TRAPPC9: variants seen among roughly 807,000 people sequenced by gnomAD.
The protein encoded by TRAPPC9 is IKK2 binding protein.
A neutral mutation model predicts 124.0 loss-of-function variants in TRAPPC9; 83 were observed. The observed-to-expected ratio is 0.67, with a 90% CI of 0.56 to 0.80. The LOEUF is 0.80. TRAPPC9 is among the 30% of genes least tolerant of loss of function. The probability of loss-of-function intolerance (pLI) is 0.00; values close to 1 mark genes in which losing one functional copy is unlikely to be tolerated. For missense variants in TRAPPC9, 1,302 were observed against 1,508.3 expected, an observed-to-expected ratio of 0.86 and a Z score of 2.27; for synonymous variants, 638 against 617.5, an observed-to-expected ratio of 1.03 and a Z score of -0.49.
Position 140,023,944 on chromosome 8 carries a change from C to G in TRAPPC9, c.2692G>C (p.Ala898Pro). 1 of 1,613,984 alleles carries G rather than the reference C, an allele frequency of 6.2e-7. No individual in the cohort carries two copies. Among genetic ancestry groups the G allele is most frequent in the East Asian group, 2.2e-5 (1 of 44,866 alleles). The change falls in exon 18 of 23, where the codon GCA (alanine) becomes CCA (proline). Residue 898 changes from alanine to proline, a missense_variant. This residue lies in a region of TRAPPC9 where 640 missense variants were observed against 679.3 expected (regional missense o/e 0.94). Coordinates refer to ENST00000438773, the MANE Select transcript of TRAPPC9 (RefSeq NM_001160372.4). The stretch of plus-strand genomic sequence containing the variant: ...CGGCAGGAAGACATTTACCTGGTTG[C>G]TGGGAGGGTGCTGACTCGGGTGAAA... ...VFFTRVSTLP[A>P]TSTRQCHLLL...
intron 17 of TRAPPC9, among the ~76,000 whole-genome samples, chr8:140,028,465 A>T (rs1042779977): frequency 6.6e-6 from 1 of 152,258 alleles, no homozygotes; most frequent in Admixed American, 6.5e-5. Context: ...CAACTGCAAC[A>T]GTCATGAGAG....
chr8:140,089,576 G>A (rs149456051), intron 17 of TRAPPC9, among the ~76,000 whole-genome samples: 289 of 152,228 alleles, frequency 1.9e-3, no homozygotes, highest in Non-Finnish European at 3.3e-3. Context: ...GGAGCTTTTC[G>A]GATTTTGGAA....
At chr8:139,752,695 CATCT>C (rs1027887793) in intron 21 of TRAPPC9, among the ~76,000 whole-genome samples, 19 of 152,094 alleles carry the variant, frequency 1.2e-4, no homozygotes, top group Admixed American at 5.9e-4. Flanking sequence ...ACCATCCATC[CATCT>C]ACCATTCATC....
intron 21 of TRAPPC9, among the ~76,000 whole-genome samples, chr8:139,789,055 T>C (rs933927022): frequency 6.6e-6 from 1 of 152,238 alleles, no homozygotes; most frequent in East Asian, 1.9e-4. Context: ...AAAATCAGCA[T>C]GCACGCTCAT....
intron 16 of TRAPPC9, among the ~76,000 whole-genome samples, chr8:140,233,676 C>CCA (rs2063663085): frequency 6.8e-6 from 1 of 147,112 alleles, no homozygotes; most frequent in Non-Finnish European, 1.5e-5. Context: ...CTCTCCCCTA[C>CCA]CACACACACA....
At chr8:140,371,371 G>T (rs2068277950) in intron 7 of TRAPPC9, among the ~76,000 whole-genome samples, 191 bp from the exon 8 acceptor site, 1 of 152,262 alleles carries the variant, frequency 6.6e-6, no homozygotes, top group South Asian at 2.1e-4. Context: ...AGCCACAGCT[G>T]CAGGTGCAGC....
chr8:140,072,467 G>A (rs965727027), intron 17 of TRAPPC9, among the ~76,000 whole-genome samples: 4 of 151,586 alleles, frequency 2.6e-5, no homozygotes, highest in East Asian at 1.9e-4. Flanking sequence ...GCAGTGAGCC[G>A]AGACTGCGCC....
chr8:140,079,293 A>C (rs1427420283), intron 17 of TRAPPC9, among the ~76,000 whole-genome samples: 1 of 152,200 alleles, frequency 6.6e-6, no homozygotes, highest in African/African-American at 2.4e-5. Context: ...ACTAATACAG[A>C]TGGCCAGAAG....
At chr8:139,982,292 C>T (rs1422081965) in intron 19 of TRAPPC9, among the ~76,000 whole-genome samples, 1 of 152,178 alleles carries the variant, frequency 6.6e-6, no homozygotes, top group Non-Finnish European at 1.5e-5. Flanking sequence ...GGGCAACTCC[C>T]ACAGAAAGGC....
At chr8:140,225,429 A>G (rs1276887540) in intron 16 of TRAPPC9, among the ~76,000 whole-genome samples, 1 of 152,230 alleles carries the variant, frequency 6.6e-6, no homozygotes, top group South Asian at 2.1e-4. Flanking sequence ...CATCAGGTAG[A>G]TATGTGCGAA....
At chr8:140,290,226 A>G (rs1404813988) in intron 12 of TRAPPC9, among the ~76,000 whole-genome samples, 1 of 152,216 alleles carries the variant, frequency 6.6e-6, no homozygotes, top group Non-Finnish European at 1.5e-5. Context: ...CATGCATGAA[A>G]GGCCCGCCTC....
rs368094516 is a variant in TRAPPC9, at chr8:140,407,422, TG to T, written c.887-1725del. Among the ~76,000 whole-genome samples the T allele has an allele frequency of 8.6e-3, 1,054 of 122,576 alleles. 11 individuals carry two copies. Among genetic ancestry groups the T allele is most frequent in the African/African-American group, 0.028 (951 of 33,470 alleles). The allele number at this position is 122,576 out of a possible 152,430, so 80.4% of individuals were successfully genotyped here. ...CTCTTTTTTTCCCTTGGAGAAATGGTGGGGGGGGGCGGGTCAGAATGAGGTG... is the reference window on the plus strand; with the variant it reads ...CTCTTTTTTTCCCTTGGAGAAATGGTGGGGGGGGCGGGTCAGAATGAGGTG... On this transcript the variant is annotated intron_variant, in intron 5 of 22. Coordinates refer to ENST00000438773, the MANE Select transcript of TRAPPC9 (RefSeq NM_001160372.4).
At chr8:140,412,825 T>C (rs939880) in intron 5 of TRAPPC9, among the ~76,000 whole-genome samples, 90,415 of 152,002 alleles carry the variant, frequency 0.59, 27,234 homozygotes, top group Middle Eastern at 0.7. Context: ...AAACAGGATG[T>C]ATTTCGTAAA....
intron 15 of TRAPPC9, among the ~76,000 whole-genome samples, chr8:140,258,327 G>A (rs1431553344): frequency 6.6e-6 from 1 of 152,246 alleles, no homozygotes; most frequent in Non-Finnish European, 1.5e-5. Flanking sequence ...TAATGGATTT[G>A]ACATTTCACT....
rs1378538553 is a variant in TRAPPC9, at chr8:139,788,164, G to A, written c.3056-55962C>T. Among the ~76,000 whole-genome samples the A allele has an allele frequency of 6.6e-6, 1 of 152,142 alleles. No homozygotes were observed. The highest frequency in any genetic ancestry group is 1.5e-5 in the Non-Finnish European group (1 of 68,028). On this transcript the variant is annotated intron_variant, in intron 21 of 22. Coordinates refer to ENST00000438773, the MANE Select transcript of TRAPPC9 (RefSeq NM_001160372.4). The surrounding 1 kb of genome is among the most constrained non-coding windows in gnomAD (Gnocchi z 4.9). ...ACAACACCCTAAGTCCCACAGGACC[G>A]CCTCCCAGATCAAAAACCCACATGC...
intron 17 of TRAPPC9, among the ~76,000 whole-genome samples, chr8:140,148,238 T>A (rs1194933885): frequency 6.6e-6 from 1 of 152,224 alleles, no homozygotes; most frequent in Non-Finnish European, 1.5e-5. Flanking sequence ...CCAGATCATT[T>A]TAATAAAAAA....
chr8:140,209,679 C>A (rs2063009434), intron 17 of TRAPPC9, among the ~76,000 whole-genome samples: 1 of 152,062 alleles, frequency 6.6e-6, no homozygotes, highest in African/African-American at 2.4e-5. Flanking sequence ...TCTTATCTAC[C>A]AAGGCTAATA....
intron 5 of TRAPPC9, among the ~76,000 whole-genome samples, chr8:140,410,129 A>T (rs2069645546): frequency 8.1e-6 from 1 of 123,094 alleles, no homozygotes. Flanking sequence ...TGAGGGCATG[A>T]GACCTTGTCT....
At chr8:140,151,260 C>CG (rs890742513) in intron 17 of TRAPPC9, among the ~76,000 whole-genome samples, 7 of 152,286 alleles carry the variant, frequency 4.6e-5, no homozygotes, top group Admixed American at 1.3e-4. Flanking sequence ...CTCAGGCCTC[C>CG]GGGCTCAGAC....
Sources: allele counts gnomAD v4.1 joint callset (sites outside exome capture counted in the v4.1 genomes callset), GRCh38; gene constraint gnomAD v4.1.1; regional missense constraint gnomAD v4.1.1; non-coding constraint Gnocchi (gnomAD v3.1); transcripts MANE v1.5; gene names NCBI Gene and HGNC (gene_info 2026-07-23, HGNC 2026-07-21).